MACROD2: variants seen among roughly 807,000 people sequenced by gnomAD.
MACROD2 encodes mono-ADP ribosylhydrolase 2.
Under a neutral mutation model 70.4 loss-of-function variants are expected in MACROD2, and 36 were observed. The observed-to-expected ratio is 0.51, with a 90% CI of 0.39 to 0.68. The LOEUF (loss-of-function observed/expected upper bound fraction) is 0.68, where lower values mean the gene tolerates loss of function less well. MACROD2 is among the 30% of genes least tolerant of loss of function. The probability of loss-of-function intolerance (pLI) is 0.00; values close to 1 mark genes in which losing one functional copy is unlikely to be tolerated. For missense variants in MACROD2, 496 were observed against 538.4 expected (o/e 0.92, Z 0.78); for synonymous variants, 172 against 178.8 (o/e 0.96, Z 0.30).
At chr20:14,493,425 T>C (rs2084816419) in intron 3 of MACROD2, 54 bp from the exon 4 acceptor site, 8 of 1,443,122 alleles carry the variant, frequency 5.5e-6, no homozygotes, top group African/African-American at 1.4e-5. Context: ...TCTGATATAC[T>C]ATATTTCTTA....
chr20:15,120,355 A>G (rs1270107101), intron 5 of MACROD2, among the ~76,000 whole-genome samples: 1 of 152,134 alleles, frequency 6.6e-6, no homozygotes, highest in Non-Finnish European at 1.5e-5. Context: ...TCACTTTTTG[A>G]CAAAATTCAT....
At chr20:14,615,289 G>C (rs1351308586) in intron 4 of MACROD2, among the ~76,000 whole-genome samples, 2 of 152,094 alleles carry the variant, frequency 1.3e-5, no homozygotes, top group Non-Finnish European at 2.9e-5. Flanking sequence ...GTGCCCTCTG[G>C]CAGTTCTTCC....
chr20:15,094,732 C>A (rs1446507180), intron 5 of MACROD2, among the ~76,000 whole-genome samples: 1 of 152,068 alleles, frequency 6.6e-6, no homozygotes. Flanking sequence ...ATTTTAAAAT[C>A]TTTTTCTTTG....
chr20:15,346,535 A>T (rs113576662), intron 6 of MACROD2, among the ~76,000 whole-genome samples: 22 of 152,244 alleles, frequency 1.4e-4, no homozygotes, highest in African/African-American at 5.3e-4. Context: ...TCGTTCATAG[A>T]GCTGGCTGGG....
At chr20:15,884,771 G>C (rs2064801571) in intron 9 of MACROD2, among the ~76,000 whole-genome samples, 2 of 152,056 alleles carry the variant, frequency 1.3e-5, no homozygotes, top group African/African-American at 4.8e-5. Context: ...AAATATCATA[G>C]ACTCAGTGGC....
intron 6 of MACROD2, among the ~76,000 whole-genome samples, chr20:15,369,807 C>T (rs1222147552): frequency 6.6e-6 from 1 of 151,690 alleles, no homozygotes; most frequent in Non-Finnish European, 1.5e-5. Flanking sequence ...TCTTTTTCCT[C>T]AAACAAACAA....
chr20:15,883,030 TA>T (rs11480149), intron 9 of MACROD2, among the ~76,000 whole-genome samples: 55 of 145,786 alleles, frequency 3.8e-4, no homozygotes, highest in African/African-American at 1.1e-3. Flanking sequence ...ACAAGATTCT[TA>T]AAAAAAAAAA....
At chr20:14,237,507 C>A (rs1440331959) in intron 3 of MACROD2, among the ~76,000 whole-genome samples, 1 of 151,164 alleles carries the variant, frequency 6.6e-6, no homozygotes, top group Non-Finnish European at 1.5e-5. Context: ...TTAGCTAAGT[C>A]TAATTTATAG....
At chr20:16,012,417 C>A (rs756171663) in intron 15 of MACROD2, among the ~76,000 whole-genome samples, 4 of 152,162 alleles carry the variant, frequency 2.6e-5, no homozygotes, top group Admixed American at 6.5e-5. Context: ...GCCATACTCC[C>A]GACCAATTAA....
At chr20:14,368,280 C>A (rs2083290309) in intron 3 of MACROD2, among the ~76,000 whole-genome samples, 1 of 152,168 alleles carries the variant, frequency 6.6e-6, no homozygotes, top group Non-Finnish European at 1.5e-5. Context: ...AGGCCACGCA[C>A]AGTGGCTCAC....
chr20:14,076,487 C>CAA (rs140845941), intron 2 of MACROD2, among the ~76,000 whole-genome samples: 23 of 146,442 alleles, frequency 1.6e-4, no homozygotes, highest in East Asian at 1.0e-3. Context: ...CCATCTCTAC[C>CAA]AAAAAAAAAA....
chr20:14,531,790 A>G (rs1445895112), intron 4 of MACROD2, among the ~76,000 whole-genome samples: 1 of 152,160 alleles, frequency 6.6e-6, no homozygotes, highest in Non-Finnish European at 1.5e-5. Flanking sequence ...AGTATCTCAG[A>G]CACAGAGCCA....
At position 15,554,733 on chromosome 20, in the gene MACROD2, G is replaced by T. The variant is rs981793075; in HGVS notation, c.645+54886G>T. 5.9e-5 allele frequency among the ~76,000 whole-genome samples: 9 copies of T among 152,160 alleles called. No individual in the cohort carries two copies. In the South Asian group the frequency reaches 1.0e-3, roughly 18 times the overall value. Reference sequence around the variant, plus strand: ...TGGAAATGTGAGGAAGGGTAGGAAGGTTAAATGGAACTGAAGTAGCAAGCT... The same window carrying T: ...TGGAAATGTGAGGAAGGGTAGGAAGTTTAAATGGAACTGAAGTAGCAAGCT... On this transcript the variant is annotated intron_variant, in intron 8 of 17. Transcript: ENST00000684519.
At chr20:15,368,461 C>CT (rs11479469) in intron 6 of MACROD2, among the ~76,000 whole-genome samples, 26,531 of 136,816 alleles carry the variant, frequency 0.19, 3,395 homozygotes, top group African/African-American at 0.36. Flanking sequence ...CAATCACAAA[C>CT]TTTTTTTTTT....
chr20:15,334,588 T>A (rs2038266), intron 6 of MACROD2, among the ~76,000 whole-genome samples: 22,093 of 141,630 alleles, frequency 0.16, 2,347 homozygotes, highest in East Asian at 0.45. Flanking sequence ...AATGATTTTT[T>A]TTAAAAAAAA....
At chr20:15,949,952 A>G (rs1254248363) in intron 12 of MACROD2, among the ~76,000 whole-genome samples, 1 of 152,114 alleles carries the variant, frequency 6.6e-6, no homozygotes, top group South Asian at 2.1e-4. Flanking sequence ...TCTCTGACTC[A>G]TATTTTTAAA....
intron 5 of MACROD2, among the ~76,000 whole-genome samples, chr20:14,960,885 G>A (rs1300217461): frequency 2.6e-5 from 4 of 152,134 alleles, no homozygotes; most frequent in African/African-American, 9.7e-5. Context: ...TTTGGCAAGG[G>A]TGAACAGCGA....
chr20:15,048,117 T>TAAATA (rs368002923), intron 5 of MACROD2, among the ~76,000 whole-genome samples: 6 of 150,304 alleles, frequency 4.0e-5, no homozygotes, highest in Non-Finnish European at 7.4e-5. Flanking sequence ...AATAAATAAA[T>TAAATA]AATAAAAAAT....
chr20:15,776,153 G>T (rs566911080), intron 8 of MACROD2, among the ~76,000 whole-genome samples: 18 of 152,186 alleles, frequency 1.2e-4, no homozygotes, highest in South Asian at 6.2e-4. Flanking sequence ...GGAAGACTAG[G>T]ACACACATGC....
Sources: gnomAD v4.1 joint callset for allele counts (sites outside exome capture counted in the v4.1 genomes callset) on GRCh38, gnomAD v4.1.1 for gene constraint, MANE v1.5 for transcripts, NCBI Gene and HGNC (gene_info 2026-07-23, HGNC 2026-07-21) for gene names.